Variants in CLVS1 observed in about 807,000 individuals in gnomAD.
CLVS1 encodes the protein clavesin-1.
Under a neutral mutation model 33.1 loss-of-function variants are expected in CLVS1, and 10 were observed. The observed-to-expected ratio is 0.30, with a 90% CI of 0.19 to 0.51. The LOEUF is 0.51. Ranked by LOEUF, CLVS1 falls within the 20% of genes least tolerant of loss-of-function variation. The probability of loss-of-function intolerance (pLI) is 0.97; values close to 1 mark genes in which losing one functional copy is unlikely to be tolerated. For missense variants in CLVS1, 343 were observed against 433.4 expected, an observed-to-expected ratio of 0.79 and a Z score of 1.85; for synonymous variants, 163 against 166.1, an observed-to-expected ratio of 0.98 and a Z score of 0.14.
At chr8:61,369,634 G>T (rs1266946779) in intron 2 of CLVS1, among the ~76,000 whole-genome samples, 2 of 152,214 alleles carry the variant, frequency 1.3e-5, no homozygotes, top group Non-Finnish European at 2.9e-5. Context: ...CTCCTGTTGG[G>T]ATAGGAGGCT....
chr8:61,150,490 A>G (rs1369367839), intron 2 of CLVS1, among the ~76,000 whole-genome samples: 1 of 152,074 alleles, frequency 6.6e-6, no homozygotes, highest in Non-Finnish European at 1.5e-5. Context: ...TCCAGTTTCT[A>G]TGGGGGTCGG....
At chr8:61,104,345 T>G (rs1174003327) in intron 1 of CLVS1, among the ~76,000 whole-genome samples, 4 of 152,192 alleles carry the variant, frequency 2.6e-5, no homozygotes, top group Non-Finnish European at 1.5e-5. Flanking sequence ...TCCAACAGAT[T>G]TAAATTGATG....
In CLVS1 at chr8:61,291,869, C is replaced by T. The variant is rs77169906; in HGVS notation, c.-152+3731C>T. The T allele has an allele frequency of 4.9e-3, 799 of 163,336 alleles. 5 individuals are homozygous for T. Among genetic ancestry groups the T allele is most frequent in the African/African-American group, 0.018 (740 of 41,700 alleles). The allele number at this position is 163,336 out of a possible 1,614,324, so 10.1% of individuals were successfully genotyped here. On this transcript the variant is annotated intron_variant, in intron 1 of 5. Transcript: ENST00000325897. Reference sequence around the variant, plus strand: ...GTTCCTCCTGGACAGTGCATTAGGGCTGTCCACAGACAGCATGAGTTCTAG... The same window carrying T: ...GTTCCTCCTGGACAGTGCATTAGGGTTGTCCACAGACAGCATGAGTTCTAG...
chr8:61,360,593 C>T (rs1812934448), intron 2 of CLVS1, among the ~76,000 whole-genome samples: 1 of 152,164 alleles, frequency 6.6e-6, no homozygotes, highest in Admixed American at 6.5e-5. Context: ...CTTACTGGAG[C>T]TACATAAATT....
chr8:61,061,104 C>A (rs1467211640), intron 1 of CLVS1, among the ~76,000 whole-genome samples: 1 of 152,202 alleles, frequency 6.6e-6, no homozygotes, highest in African/African-American at 2.4e-5. Flanking sequence ...CTTTTGTTTT[C>A]AATCCAGAAC....
At chr8:61,438,542 C>G (rs1356087781) in intron 3 of CLVS1, among the ~76,000 whole-genome samples, 3 of 151,934 alleles carry the variant, frequency 2.0e-5, no homozygotes, top group Non-Finnish European at 4.4e-5. Flanking sequence ...GGGTATATAC[C>G]CAGTAATGGG....
chr8:61,121,447 GT>G (rs1805869678), intron 1 of CLVS1, among the ~76,000 whole-genome samples: 2 of 152,156 alleles, frequency 1.3e-5, no homozygotes, highest in South Asian at 4.1e-4. Flanking sequence ...CTGTGTGTGT[GT>G]TTGTGTGTGT....
chr8:61,135,464 G>C (rs780113639), intron 2 of CLVS1, among the ~76,000 whole-genome samples: 3 of 152,178 alleles, frequency 2.0e-5, no homozygotes, highest in African/African-American at 4.8e-5. Context: ...TTAATGTAGG[G>C]TTTTTCCAGG....
In CLVS1 at chr8:61,458,480, A is replaced by C. The variant is rs1029942131; in HGVS notation, c.915A>C (p.Ala305=). 5 of 1,613,862 alleles carry C rather than the reference A, an allele frequency of 3.1e-6. No homozygotes were observed. In the African/African-American group the frequency reaches 6.7e-5, roughly 22 times the overall value. The part of the protein sequence containing the change: ...ENDYTHTSYN[A]MHVKHTSSNL... The stretch of plus-strand genomic sequence containing the variant: ...ACTATACTCACACATCCTATAATGC[A>C]ATGCACGTGAAGCATACGTCCTCGA... Residue 305 remains alanine, a synonymous_variant, in exon 5 of 6, where the codon GCA becomes GCC. Transcript: ENST00000325897.
intron 3 of CLVS1, among the ~76,000 whole-genome samples, chr8:61,425,642 C>T (rs776311681): frequency 1.8e-4 from 28 of 152,136 alleles, no homozygotes; most frequent in Non-Finnish European, 3.4e-4. Context: ...TTAGCTATAT[C>T]CCAATTGGGA....
chr8:61,389,798 T>A (rs1457047637), intron 3 of CLVS1, among the ~76,000 whole-genome samples: 1 of 152,214 alleles, frequency 6.6e-6, no homozygotes, highest in Non-Finnish European at 1.5e-5. Flanking sequence ...TAGAGAGATG[T>A]TCATCTAAAG....
chr8:61,379,716 CT>C (rs979060492), intron 3 of CLVS1, among the ~76,000 whole-genome samples: 2 of 152,166 alleles, frequency 1.3e-5, no homozygotes, highest in African/African-American at 4.8e-5. Context: ...AGGTAGTGCT[CT>C]TTGGGTCCAC....
chr8:61,433,773 G>T (rs1219226237), intron 3 of CLVS1, among the ~76,000 whole-genome samples: 2 of 152,104 alleles, frequency 1.3e-5, no homozygotes, highest in Non-Finnish European at 2.9e-5. Context: ...AATTAGCCAG[G>T]TGTGGTGGCT....
At chr8:60,980,936 A>G in the CLVS1 span, among the ~76,000 whole-genome samples, 2 of 152,164 alleles carry the variant, frequency 1.3e-5, no homozygotes, top group Admixed American at 1.3e-4. Flanking sequence ...GACACACAGA[A>G]GAGGAGGAGG....
chr8:61,423,110 T>A (rs575092601), intron 3 of CLVS1, among the ~76,000 whole-genome samples: 1 of 152,274 alleles, frequency 6.6e-6, no homozygotes, highest in Admixed American at 6.5e-5. Flanking sequence ...CCAATGCACC[T>A]TGCACTGTCC....
chr8:61,267,151 C>A (rs1250767092), intron 2 of CLVS1, among the ~76,000 whole-genome samples: 1 of 152,166 alleles, frequency 6.6e-6, no homozygotes, highest in African/African-American at 2.4e-5. Context: ...CTGCAGATTT[C>A]AGTTTCCCTG....
chr8:61,079,739 G>A (rs1804988003), intron 1 of CLVS1, among the ~76,000 whole-genome samples: 2 of 151,852 alleles, frequency 1.3e-5, no homozygotes, highest in Non-Finnish European at 2.9e-5. Context: ...ATTAATAGCT[G>A]CTTACATTTT....
At chr8:61,356,021 G>C (rs1812689028) in intron 2 of CLVS1, among the ~76,000 whole-genome samples, 2 of 152,142 alleles carry the variant, frequency 1.3e-5, no homozygotes, top group Admixed American at 1.3e-4. Context: ...CTAGTTTACA[G>C]TCCCACCAAC....
At chr8:61,089,931 T>C (rs931221111) in intron 1 of CLVS1, among the ~76,000 whole-genome samples, 14 of 152,008 alleles carry the variant, frequency 9.2e-5, no homozygotes, top group Non-Finnish European at 2.1e-4. Flanking sequence ...TTTTGTTTGT[T>C]TATTGTTAAA....
Sources: allele counts gnomAD v4.1 joint callset (sites outside exome capture counted in the v4.1 genomes callset), GRCh38; gene constraint gnomAD v4.1.1; transcripts MANE v1.5; gene names NCBI Gene and HGNC (gene_info 2026-07-23, HGNC 2026-07-21).